The following CENPN variants were observed in gnomAD, a reference collection of about 807,000 sequenced individuals.
The protein encoded by CENPN is interphase centromere complex protein 32.
Under a neutral mutation model 48.6 loss-of-function variants are expected in CENPN, and 36 were observed. The ratio of observed to expected loss-of-function variants is 0.74; its 90% confidence interval spans 0.57 to 0.98. CENPN has a LOEUF of 0.98. CENPN is among the 50% of genes least tolerant of loss of function. The probability of loss-of-function intolerance (pLI) is 0.00; values close to 1 mark genes in which losing one functional copy is unlikely to be tolerated. For missense variants in CENPN, 439 were observed against 399.2 expected (o/e 1.10, Z -0.85); for synonymous variants, 166 against 135.2 (o/e 1.23, Z -1.58).
At chr16:81,018,173 CT>C (rs1020910665) in intron 5 of CENPN, among the ~76,000 whole-genome samples, 147 of 144,810 alleles carry the variant, frequency 1.0e-3, no homozygotes, top group Middle Eastern at 3.6e-3. Flanking sequence ...AATTTTTAAT[CT>C]TTTTTTTTTT....
chr16:81,025,602 G>A (rs571342681), intron 8 of CENPN, among the ~76,000 whole-genome samples: 3 of 151,774 alleles, frequency 2.0e-5, no homozygotes, highest in Non-Finnish European at 4.4e-5. Context: ...ATGCATCTGT[G>A]GTCCCGGCTA....
intron 1 of CENPN, among the ~76,000 whole-genome samples, chr16:81,008,620 G>T (rs1357968163): frequency 2.6e-5 from 4 of 152,050 alleles, no homozygotes; most frequent in Non-Finnish European, 5.9e-5. Flanking sequence ...GATACACCAC[G>T]CCCGGCGCGC....
chr16:81,022,067 T>G (rs1328114653), intron 6 of CENPN, among the ~76,000 whole-genome samples: 1 of 152,116 alleles, frequency 6.6e-6, no homozygotes, highest in Non-Finnish European at 1.5e-5. Context: ...TAATGTTCAT[T>G]TCTATTGTGT....
chr16:81,019,210 T>C (rs1970067030), intron 5 of CENPN, among the ~76,000 whole-genome samples: 1 of 152,064 alleles, frequency 6.6e-6, no homozygotes. Context: ...TCTTCTTCTT[T>C]TTGTTTTGTT....
At chr16:81,020,304 A>G (rs2151691683) in intron 6 of CENPN, 28 bp downstream of exon 6, 1 of 1,593,064 alleles carries the variant, frequency 6.3e-7, no homozygotes, top group East Asian at 2.2e-5. Context: ...ACAAGCTATA[A>G]TATTTTATTA....
In CENPN at chr16:81,029,751, T is replaced by G. The variant is rs1970682879; in HGVS notation, c.*1100T>G. Among the ~76,000 whole-genome samples, 1 of 152,118 alleles carries G rather than the reference T, an allele frequency of 6.6e-6. No individual in the cohort carries two copies. The highest frequency in any genetic ancestry group is 2.4e-5 in the African/African-American group (1 of 41,412). On this transcript the variant is annotated 3_prime_UTR_variant, in exon 11 of 11. Transcript: ENST00000305850. ...CACCATGCCCAGCTAATTTTTGTAT[T>G]TTTAGTAGAGACAGGGTTTCTCCAT...
At position 81,030,336 on chromosome 16, in the gene CENPN, G is replaced by C. The variant is rs1419537388; in HGVS notation, c.*1685G>C. Reference sequence around the variant, plus strand: ...AGACTGGGCATGGTGGCTCACACTTGTAATCCCAGCACTTCAGGAGGTTTC... The same window carrying C: ...AGACTGGGCATGGTGGCTCACACTTCTAATCCCAGCACTTCAGGAGGTTTC... On this transcript the variant is annotated 3_prime_UTR_variant, in exon 11 of 11. Transcript: ENST00000305850. 7.5e-5 allele frequency: 74 copies of C among 984,980 alleles called. No individual in the cohort carries two copies. The highest frequency in any genetic ancestry group is 8.8e-5 in the Non-Finnish European group (73 of 829,816). The allele number at this position is 984,980 out of a possible 1,614,324, so 61.0% of individuals were successfully genotyped here.
chr16:81,020,718 T>C (rs1455172213), intron 6 of CENPN, among the ~76,000 whole-genome samples: 3 of 152,220 alleles, frequency 2.0e-5, no homozygotes, highest in Admixed American at 1.3e-4. Context: ...CAAAGCTTCA[T>C]ACCCCTTTTC....
downstream of CENPN, chr16:81,032,476 C>T: frequency 7.7e-7 from 1 of 1,294,960 alleles, no homozygotes; most frequent in Non-Finnish European, 1.1e-6. Flanking sequence ...CTGATGCCTC[C>T]CCTCCCCACC....
In CENPN at chr16:81,030,226, C is replaced by T. The variant is rs534826063; in HGVS notation, c.*1575C>T. On this transcript the variant is annotated 3_prime_UTR_variant, in exon 11 of 11. Coordinates refer to ENST00000305850, the MANE Select transcript of CENPN (RefSeq NM_001100624.3). ...ACCATATCACAGGCATGAGCTACCA[C>T]GCCCGCCAGCATGTCTTTTTTAAAC... The T allele has an allele frequency of 1.4e-3, 1,345 of 985,462 alleles. 2 individuals carry two copies. The highest frequency in any genetic ancestry group is 1.5e-3 in the Non-Finnish European group (1,248 of 829,936). The allele number at this position is 985,462 out of a possible 1,614,324, so 61.0% of individuals were successfully genotyped here. A position where few individuals can be genotyped will look rare whatever the true frequency, so the allele number is the denominator to read the frequency against.
chr16:81,013,590 G>A (rs1033217799), intron 2 of CENPN, among the ~76,000 whole-genome samples: 2 of 152,142 alleles, frequency 1.3e-5, no homozygotes, highest in Admixed American at 6.6e-5. Flanking sequence ...GCATGGTGGT[G>A]CACACCTGTA....
chr16:81,014,147 A>C lies in CENPN; in HGVS notation c.183A>C (p.Ala61=). ...HLIHLCEEKR[A]SISDAALLDI... is the part of the protein sequence containing the mutation. ...GTTTTCTCTTTTAGGAAAAGCGTGC[A>C]AGTATCAGTGATGCTGCCCTGTTAG... Residue 61 remains alanine, a synonymous_variant, in exon 3 of 11, where the codon GCA becomes GCC. Transcript: ENST00000305850. The C allele has an allele frequency of 6.2e-7, 1 of 1,613,562 alleles. No homozygotes were observed. The highest frequency in any genetic ancestry group is 8.5e-7 in the Non-Finnish European group (1 of 1,179,556).
At chr16:81,020,054 A>C in intron 5 of CENPN, 46 bp from the exon 6 acceptor site, 1 of 1,561,020 alleles carries the variant, frequency 6.4e-7, no homozygotes, top group Non-Finnish European at 8.6e-7. Context: ...TGCCACAGTG[A>C]AATTTTAATT....
chr16:81,030,389 C>T lies in CENPN; in HGVS notation c.*1738C>T, dbSNP rs1016036975. The T allele has an allele frequency of 1.0e-6, 1 of 984,892 alleles. No individual in the cohort carries two copies. Among genetic ancestry groups the T allele is most frequent in the South Asian group, 4.7e-5 (1 of 21,276 alleles). 61.0% of individuals were successfully genotyped at this position (984,892 alleles called of 1,614,324 possible). A position where few individuals can be genotyped will look rare whatever the true frequency, so the allele number is the denominator to read the frequency against. ...CTAGTGTACTCTCACACTTCTGATA[C>T]CAGATATGTGGGGGAGGGGGTTTCC... On this transcript the variant is annotated 3_prime_UTR_variant, in exon 11 of 11. Transcript: ENST00000305850.
At chr16:81,021,404 A>G (rs750926681) in intron 6 of CENPN, among the ~76,000 whole-genome samples, 21 of 151,980 alleles carry the variant, frequency 1.4e-4, no homozygotes, top group East Asian at 3.9e-4. Flanking sequence ...GGCACCTTCA[A>G]TTGGTTCCAG....
chr16:81,032,567 T>A, downstream of CENPN: 1 of 1,585,454 alleles, frequency 6.3e-7, no homozygotes, highest in Non-Finnish European at 8.6e-7. Context: ...TTTTTTTTTT[T>A]AGCACTTGTT....
rs753842076 is a variant in CENPN, at chr16:81,022,677, T to C, written c.612T>C (p.Ile204=). Residue 204 remains isoleucine (I), a synonymous_variant, in exon 7 of 11, where the codon ATT becomes ATC. Transcript: ENST00000305850. ...GGTATCTGGACTCTCTTAAGGCTAT[T>C]GTTTTTAAACAGTATAATCAGGTGA... ...RSRYLDSLKA[I]VFKQYNQTFE... 2 of 1,614,100 alleles carry C rather than the reference T, an allele frequency of 1.2e-6. No homozygotes were observed. The highest frequency in any genetic ancestry group is 1.3e-5 in the African/African-American group (1 of 75,048).
At position 81,018,094 on chromosome 16, in the gene CENPN, G is replaced by C. The variant is rs186515545; in HGVS notation, c.354+260G>C. On this transcript the variant is annotated intron_variant, in intron 5 of 10. Transcript: ENST00000305850. The stretch of plus-strand genomic sequence containing the variant: ...CTTTCTGCAGTGATGGAAATGCTCT[G>C]TATTGGCACTGTTCAGTTCAGCCAC... 2.0e-5 allele frequency among the ~76,000 whole-genome samples: 3 copies of C among 152,186 alleles called. No individual in the cohort carries two copies. In the East Asian group the frequency reaches 5.8e-4, roughly 29 times the overall value.
In CENPN at chr16:81,028,295, C is replaced by T. The variant is rs750615190; in HGVS notation, c.935C>T (p.Ala312Val). 16 of 1,613,988 alleles carry T rather than the reference C, an allele frequency of 9.9e-6. No homozygotes were observed. Among genetic ancestry groups the T allele is most frequent in the East Asian group, 8.9e-5 (4 of 44,866 alleles). Residue 312 changes from alanine (A) to valine (V), a missense_variant and splice_region_variant, in exon 10 of 11, where the codon GCG becomes GTG. Coordinates refer to ENST00000305850, the MANE Select transcript of CENPN (RefSeq NM_001100624.3). ...GAAGCATTGAAATCCTTAGCACCAG[C>T]GGGTGAGTGGTCAGCTTACTCTATA... Reference protein sequence around the residue: ...LLEALKSLAPAGIADAPLSPL... With the variant: ...LLEALKSLAPVGIADAPLSPL...
Sources: gnomAD v4.1 joint callset for allele counts (sites outside exome capture counted in the v4.1 genomes callset) on GRCh38, gnomAD v4.1.1 for gene constraint, MANE v1.5 for transcripts, NCBI Gene and HGNC (gene_info 2026-07-23, HGNC 2026-07-21) for gene names.